Variants in LIN28B observed in about 807,000 individuals in gnomAD.
The protein encoded by LIN28B is protein lin-28 homolog B.
A neutral mutation model predicts 21.9 loss-of-function variants in LIN28B; 5 were observed. The ratio of observed to expected loss-of-function variants is 0.23; its 90% CI spans 0.12 to 0.48. LIN28B has a LOEUF of 0.48. Among genes scored for constraint, LIN28B ranks in the 20% least tolerant of loss-of-function variants. The probability of loss-of-function intolerance (pLI) is 0.98; values close to 1 mark genes in which losing one functional copy is unlikely to be tolerated. For missense variants in LIN28B, 245 were observed against 310.5 expected (o/e 0.79, Z 1.58); for synonymous variants, 109 against 111.3 (o/e 0.98, Z 0.13).
intron 2 of LIN28B, among the ~76,000 whole-genome samples, chr6:104,996,011 A>G (rs1228412299): frequency 6.6e-6 from 1 of 151,496 alleles, no homozygotes; most frequent in Non-Finnish European, 1.5e-5. Flanking sequence ...CCCCACTAGA[A>G]ACACATGTGA....
intron 1 of LIN28B, among the ~76,000 whole-genome samples, 199 bp downstream of exon 1, chr6:104,957,459 C>T (rs1045477474): frequency 1.3e-5 from 2 of 151,742 alleles, no homozygotes; most frequent in Non-Finnish European, 2.9e-5. Context: ...TTGTACCGCC[C>T]ACACTGATTC....
intron 2 of LIN28B, among the ~76,000 whole-genome samples, chr6:104,975,854 T>G (rs1448393250): frequency 6.6e-6 from 1 of 151,006 alleles, no homozygotes; most frequent in Non-Finnish European, 1.5e-5. Context: ...TTTTTTTTTT[T>G]TTTGTAGAGT....
At chr6:104,953,536 T>C (rs1778247112), upstream of LIN28B, among the ~76,000 whole-genome samples, 2 of 152,144 alleles carry the variant, frequency 1.3e-5, no homozygotes, top group African/African-American at 4.8e-5. Flanking sequence ...AGATGACAAA[T>C]GTAAAAGTCC....
intron 2 of LIN28B, among the ~76,000 whole-genome samples, chr6:104,949,937 T>C (rs1778201083): frequency 6.6e-6 from 1 of 152,198 alleles, no homozygotes; most frequent in Admixed American, 6.5e-5. Context: ...TACTTAATGA[T>C]TAAATGTATT....
chr6:104,943,189 T>TA (rs1172187226), intron 2 of LIN28B, among the ~76,000 whole-genome samples: 1 of 152,144 alleles, frequency 6.6e-6, no homozygotes, highest in Admixed American at 6.5e-5. Flanking sequence ...AATCCCAAAA[T>TA]ACGGTGAATT....
intron 2 of LIN28B, among the ~76,000 whole-genome samples, chr6:104,973,180 A>G (rs565833083): frequency 1.3e-5 from 2 of 151,896 alleles, no homozygotes; most frequent in Admixed American, 6.6e-5. Flanking sequence ...CCACTTTTCC[A>G]TCCTCTCTGT....
chr6:104,937,354 G>T (rs1250115678), intron 2 of LIN28B, among the ~76,000 whole-genome samples: 1 of 151,934 alleles, frequency 6.6e-6, no homozygotes, highest in Non-Finnish European at 1.5e-5. Flanking sequence ...CAGGGCCGCA[G>T]TCTCGGCTCG....
chr6:105,064,805 A>G (rs1582928789), intron 3 of LIN28B, among the ~76,000 whole-genome samples: 1 of 152,312 alleles, frequency 6.6e-6, no homozygotes, highest in South Asian at 2.1e-4. Flanking sequence ...CTCTTGTTCC[A>G]CTAAGAGAAT....
At chr6:104,986,480 A>T (rs1770346466) in intron 2 of LIN28B, among the ~76,000 whole-genome samples, 1 of 141,916 alleles carries the variant, frequency 7.0e-6, no homozygotes, top group African/African-American at 2.6e-5. Flanking sequence ...TTGTCTCTTT[A>T]TTTTAGGTCC....
intron 2 of LIN28B, among the ~76,000 whole-genome samples, chr6:105,011,727 G>T (rs1432478326): frequency 6.6e-6 from 1 of 152,110 alleles, no homozygotes; most frequent in Non-Finnish European, 1.5e-5. Context: ...GCATGCGCCT[G>T]TGATCCCAGC....
chr6:105,019,566 A>C (rs1166924159), intron 2 of LIN28B, among the ~76,000 whole-genome samples: 1 of 152,156 alleles, frequency 6.6e-6, no homozygotes, highest in African/African-American at 2.4e-5. Context: ...ACCTTTCATT[A>C]ACCTCCCTGT....
chr6:105,026,860 A>G (rs1771296668), intron 3 of LIN28B, among the ~76,000 whole-genome samples: 1 of 152,136 alleles, frequency 6.6e-6, no homozygotes, highest in Admixed American at 6.6e-5. Flanking sequence ...AAGACAGCTC[A>G]CGTATAGAAA....
intron 3 of LIN28B, among the ~76,000 whole-genome samples, chr6:105,067,143 A>AT (rs1772234169): frequency 1.3e-5 from 2 of 152,200 alleles, no homozygotes; most frequent in South Asian, 4.1e-4. Flanking sequence ...TTATAATCTG[A>AT]TTCTTCCATC....
chr6:105,051,421 A>G (rs1771899729), intron 3 of LIN28B, among the ~76,000 whole-genome samples: 1 of 151,744 alleles, frequency 6.6e-6, no homozygotes, highest in South Asian at 2.1e-4. Context: ...CCTGGGCGAC[A>G]GAGCGAGACT....
chr6:104,994,248 C>T (rs1350432513), intron 2 of LIN28B, among the ~76,000 whole-genome samples: 1 of 152,202 alleles, frequency 6.6e-6, no homozygotes, highest in Non-Finnish European at 1.5e-5. Context: ...TCGTGATCCG[C>T]CCGCCTCGGC....
chr6:105,020,747 C>CTTTTTTTTTTT (rs1176851045), intron 2 of LIN28B, among the ~76,000 whole-genome samples: 1 of 85,386 alleles, frequency 1.2e-5, no homozygotes, highest in Non-Finnish European at 2.1e-5. Context: ...TCATTCCACT[C>CTTTTTTTTTTT]TTTTTTTTTT....
chr6:105,032,284 C>G (rs936787592), intron 3 of LIN28B, among the ~76,000 whole-genome samples: 5 of 152,130 alleles, frequency 3.3e-5, no homozygotes, highest in African/African-American at 1.2e-4. Flanking sequence ...GGGATTGCTG[C>G]ATAATAAGGT....
chr6:105,042,368 T>C (rs1771656129), intron 3 of LIN28B, among the ~76,000 whole-genome samples: 1 of 152,222 alleles, frequency 6.6e-6, no homozygotes, highest in South Asian at 2.1e-4. Flanking sequence ...TGGAAGGCCT[T>C]GCTACAAAAA....
chr6:104,942,897 A>G (rs1445620087), intron 2 of LIN28B, among the ~76,000 whole-genome samples: 2 of 84,390 alleles, frequency 2.4e-5, no homozygotes, highest in Non-Finnish European at 4.7e-5. Flanking sequence ...GTAACTTTAT[A>G]GGTGCTTCTC....
Sources: gnomAD v4.1 joint callset for allele counts (sites outside exome capture counted in the v4.1 genomes callset) on GRCh38, gnomAD v4.1.1 for gene constraint, MANE v1.5 for transcripts, NCBI Gene and HGNC (gene_info 2026-07-23, HGNC 2026-07-21) for gene names.